The following SNX25 variants were observed in gnomAD, a reference collection of about 807,000 sequenced individuals.
SNX25 encodes the protein sorting nexin-25.
SNX25 carries 62 observed loss-of-function variants against 113.7 expected under a neutral mutation model. That is an observed-to-expected ratio of 0.55 (90% confidence interval 0.44 to 0.67). The LOEUF (loss-of-function observed/expected upper bound fraction) is 0.67, where lower values mean the gene tolerates loss of function less well. SNX25 is among the 30% of genes least tolerant of loss of function. The pLI, the probability that SNX25 is intolerant of heterozygous loss-of-function variation, is 0.00. For missense variants in SNX25, 1,014 were observed against 1,161.0 expected, an observed-to-expected ratio of 0.87 and a Z score of 1.84; for synonymous variants, 421 against 436.2, an observed-to-expected ratio of 0.97 and a Z score of 0.43.
chr4:185,362,316 T>G (rs534076498), intron 17 of SNX25: 1 of 985,378 alleles, frequency 1.0e-6, no homozygotes, highest in Middle Eastern at 5.2e-4. Flanking sequence ...ATAATAAACT[T>G]TGTGTTTTGG....
At chr4:185,247,416 G>A in intron 2 of SNX25, 38 bp downstream of exon 2, 3 of 1,337,918 alleles carry the variant, frequency 2.2e-6, no homozygotes, top group African/African-American at 1.5e-5. Flanking sequence ...ACCATGTAAA[G>A]CAATTCATTA....
At chr4:185,266,887 G>A in intron 4 of SNX25, 82 bp from the exon 5 acceptor site, 2 of 1,362,454 alleles carry the variant, frequency 1.5e-6, no homozygotes, top group Non-Finnish European at 2.0e-6. Flanking sequence ...TTTCCCAAAT[G>A]TAGTCTCAGT....
At chr4:185,316,194 T>C (rs1321570496) in intron 7 of SNX25, among the ~76,000 whole-genome samples, 5 of 152,360 alleles carry the variant, frequency 3.3e-5, no homozygotes, top group Non-Finnish European at 7.4e-5. Context: ...TTGGCACTTA[T>C]CAGTGCCTTC....
chr4:185,217,612 G>A (rs866275416), intron 1 of SNX25, among the ~76,000 whole-genome samples: 3 of 152,212 alleles, frequency 2.0e-5, no homozygotes, highest in East Asian at 1.9e-4. Flanking sequence ...TGAAGCATAC[G>A]ATGTCACATT....
intron 2 of SNX25, among the ~76,000 whole-genome samples, chr4:185,257,085 G>A (rs962021006): frequency 6.6e-6 from 1 of 150,462 alleles, no homozygotes; most frequent in Admixed American, 6.7e-5. Flanking sequence ...GGATAAAGTA[G>A]TGTGCAGACA....
chr4:185,351,310 A>G, intron 13 of SNX25, 135 bp from the exon 14 acceptor site: 4 of 827,838 alleles, frequency 4.8e-6, no homozygotes, highest in Non-Finnish European at 7.7e-6. Context: ...TCAGGGGGAA[A>G]GGGAAGTGGT....
chr4:185,270,295 A>G (rs1748739146), intron 5 of SNX25, among the ~76,000 whole-genome samples: 2 of 152,222 alleles, frequency 1.3e-5, no homozygotes, highest in South Asian at 4.1e-4. Context: ...TTGACCAAAG[A>G]TTACACTGAA....
chr4:185,322,555 A>T (rs1359032489), intron 8 of SNX25, among the ~76,000 whole-genome samples: 1 of 152,202 alleles, frequency 6.6e-6, no homozygotes, highest in East Asian at 1.9e-4. Flanking sequence ...AAGGAACTAA[A>T]TCCAGTCCTA....
upstream of SNX25, among the ~76,000 whole-genome samples, chr4:185,204,707 G>A (rs563913583): frequency 7.9e-5 from 12 of 152,192 alleles, no homozygotes; most frequent in Admixed American, 6.5e-5. Context: ...GAATCACAAA[G>A]GTCCTTATAA....
intron 6 of SNX25, among the ~76,000 whole-genome samples, chr4:185,302,480 T>G (rs1753847772): frequency 6.6e-6 from 1 of 152,186 alleles, no homozygotes; most frequent in Non-Finnish European, 1.5e-5. Context: ...CAGCACTAGC[T>G]TGGTGTTTGG....
chr4:185,305,874 G>A (rs1224499643), intron 6 of SNX25, among the ~76,000 whole-genome samples: 1 of 152,056 alleles, frequency 6.6e-6, no homozygotes, highest in Non-Finnish European at 1.5e-5. Flanking sequence ...AAGTAATGGC[G>A]AAACCCGTGA....
chr4:185,260,510 A>C (rs1747139296), intron 3 of SNX25, among the ~76,000 whole-genome samples: 1 of 152,182 alleles, frequency 6.6e-6, no homozygotes, highest in Non-Finnish European at 1.5e-5. Flanking sequence ...TCGAAATCAG[A>C]GCTTTTTTTT....
At chr4:185,378,433 GCATTCA>G in the SNX25 span, 1 of 1,315,782 alleles carries the variant, frequency 7.6e-7, no homozygotes, top group South Asian at 1.8e-5. Flanking sequence ...CCACAGCATC[GCATTCA>G]CCATGAGACC....
intron 6 of SNX25, among the ~76,000 whole-genome samples, chr4:185,306,580 A>G (rs1262045277): frequency 6.6e-6 from 1 of 152,216 alleles, no homozygotes; most frequent in Non-Finnish European, 1.5e-5. Context: ...AATGGGTGTC[A>G]GTTTTCTCCT....
intron 7 of SNX25, among the ~76,000 whole-genome samples, chr4:185,312,747 G>A (rs751803547): frequency 7.2e-5 from 11 of 152,178 alleles, no homozygotes; most frequent in Non-Finnish European, 1.0e-4. Flanking sequence ...GGATGGTCTC[G>A]ATATCCTGAC....
intron 6 of SNX25, among the ~76,000 whole-genome samples, chr4:185,308,602 T>C (rs1427903609): frequency 6.6e-6 from 1 of 152,210 alleles, no homozygotes; most frequent in Non-Finnish European, 1.5e-5. Flanking sequence ...TGAGAGTTCA[T>C]TGATCCATTC....
intron 1 of SNX25, among the ~76,000 whole-genome samples, chr4:185,221,447 T>TACA (rs1316764202): frequency 1.3e-5 from 2 of 152,162 alleles, no homozygotes; most frequent in African/African-American, 4.8e-5. Context: ...AATGTTGGAT[T>TACA]ACAGGGGTGC....
chr4:185,256,965 A>C (rs1746533921), intron 2 of SNX25, among the ~76,000 whole-genome samples: 1 of 152,124 alleles, frequency 6.6e-6, no homozygotes, highest in Non-Finnish European at 1.5e-5. Flanking sequence ...TGTAGTGGCC[A>C]AGATGTATAA....
intron 2 of SNX25, among the ~76,000 whole-genome samples, chr4:185,256,683 T>C (rs1746485862): frequency 6.8e-6 from 1 of 146,786 alleles, no homozygotes; most frequent in African/African-American, 2.5e-5. Flanking sequence ...TGGAATGCAG[T>C]GGCGCTGTCT....
Sources: allele counts gnomAD v4.1 joint callset (sites outside exome capture counted in the v4.1 genomes callset), GRCh38; gene constraint gnomAD v4.1.1; transcripts MANE v1.5; gene names NCBI Gene and HGNC (gene_info 2026-07-23, HGNC 2026-07-21).